Variants in RPS6KA5 observed in about 807,000 individuals in gnomAD.
RPS6KA5 encodes ribosomal protein S6 kinase alpha-5.
RPS6KA5 carries 27 observed loss-of-function variants against 85.5 expected under a neutral mutation model. The ratio of observed to expected loss-of-function variants is 0.32; its 90% CI spans 0.23 to 0.44. The LOEUF (loss-of-function observed/expected upper bound fraction) is 0.44. RPS6KA5 is among the 20% of genes least tolerant of loss of function. RPS6KA5 has a pLI of 1.00. For synonymous variants in RPS6KA5, 334 were observed against 348.2 expected, an observed-to-expected ratio of 0.96 and a Z score of 0.46; for missense variants, 811 against 980.9, an observed-to-expected ratio of 0.83 and a Z score of 2.31.
chr14:91,013,408 G>A (rs2041343126), intron 1 of RPS6KA5, among the ~76,000 whole-genome samples: 1 of 152,138 alleles, frequency 6.6e-6, no homozygotes, highest in Admixed American at 6.6e-5. Flanking sequence ...GCATAAGAGA[G>A]CATCTCAGCC....
chr14:90,986,003 T>C (rs2040039557), intron 2 of RPS6KA5, among the ~76,000 whole-genome samples: 2 of 152,114 alleles, frequency 1.3e-5, no homozygotes, highest in Non-Finnish European at 2.9e-5. Flanking sequence ...GAAACAACTA[T>C]AAAAGGCTAG....
intron 14 of RPS6KA5, among the ~76,000 whole-genome samples, chr14:90,881,715 G>A (rs2033853739): frequency 6.6e-6 from 1 of 152,012 alleles, no homozygotes; most frequent in Non-Finnish European, 1.5e-5. Context: ...TGGCCAGGCT[G>A]GTCTCGAACT....
intron 7 of RPS6KA5, among the ~76,000 whole-genome samples, chr14:90,916,720 T>C (rs74083898): frequency 0.074 from 11,314 of 152,088 alleles, 1,145 homozygotes; most frequent in African/African-American, 0.22. Flanking sequence ...AAATTACAGG[T>C]TGACACCATG....
At chr14:91,023,082 T>TAAAAAAA (rs368649949) in intron 1 of RPS6KA5, among the ~76,000 whole-genome samples, 1 of 96,452 alleles carries the variant, frequency 1.0e-5, no homozygotes, top group East Asian at 3.5e-4. Flanking sequence ...AAACTCTATC[T>TAAAAAAA]AAAAAAAAAA....
intron 1 of RPS6KA5, among the ~76,000 whole-genome samples, chr14:91,017,109 C>T (rs1015664893): frequency 1.3e-5 from 2 of 152,180 alleles, no homozygotes; most frequent in Non-Finnish European, 2.9e-5. Flanking sequence ...TGGACTTCTA[C>T]TCACCAAGGC....
intron 1 of RPS6KA5, among the ~76,000 whole-genome samples, chr14:91,056,191 T>C (rs1316832179): frequency 6.6e-6 from 1 of 152,226 alleles, no homozygotes; most frequent in African/African-American, 2.4e-5. Context: ...GACCTTCTCC[T>C]CAATGTTAGG....
At chr14:91,033,048 G>A (rs1031278113) in intron 1 of RPS6KA5, among the ~76,000 whole-genome samples, 14 of 151,902 alleles carry the variant, frequency 9.2e-5, no homozygotes, top group African/African-American at 7.3e-5. Context: ...TTAGCTGGAC[G>A]TGGTGGTGGG....
intron 1 of RPS6KA5, among the ~76,000 whole-genome samples, chr14:91,051,538 G>C (rs1317003786): frequency 6.6e-6 from 1 of 151,974 alleles, no homozygotes. Flanking sequence ...GCCCAGGCTG[G>C]AATGCAATGG....
intron 10 of RPS6KA5, 147 bp downstream of exon 10, chr14:90,900,464 T>C (rs2035102776): frequency 1.0e-5 from 8 of 787,116 alleles, no homozygotes; most frequent in Admixed American, 7.0e-5. Flanking sequence ...CAACTTGACG[T>C]TAATTCTCTA....
rs945974002 is a variant in RPS6KA5 at position 90,865,108 on chromosome 14, T to C, written c.*6966A>G. 1 of 152,222 alleles carries C rather than the reference T, an allele frequency of 6.6e-6. No individual in the cohort carries two copies. The highest frequency in any genetic ancestry group is 1.5e-5 in the Non-Finnish European group (1 of 68,040). 9.4% of individuals were successfully genotyped at this position (152,222 alleles called of 1,614,324 possible). On this transcript the variant is annotated 3_prime_UTR_variant, in exon 17 of 17. Transcript: ENST00000614987. Reference sequence around the variant, plus strand: ...TCTCACTCTATCGCCCAGGATGGAATGTAGTGGTGCGATCAAGGCTCACTG... The same window carrying C: ...TCTCACTCTATCGCCCAGGATGGAACGTAGTGGTGCGATCAAGGCTCACTG...
chr14:90,917,505 A>G (rs1423816810), intron 7 of RPS6KA5, among the ~76,000 whole-genome samples: 1 of 152,174 alleles, frequency 6.6e-6, no homozygotes, highest in Non-Finnish European at 1.5e-5. Flanking sequence ...CAATCAAGAA[A>G]CAAATATACT....
At chr14:90,923,799 A>G (rs1476822154) in intron 5 of RPS6KA5, among the ~76,000 whole-genome samples, 1 of 152,206 alleles carries the variant, frequency 6.6e-6, no homozygotes, top group Non-Finnish European at 1.5e-5. Context: ...CTTTAAAAAA[A>G]GATTATTTCT....
At chr14:91,006,301 T>C (rs536761654) in intron 1 of RPS6KA5, among the ~76,000 whole-genome samples, 3 of 152,264 alleles carry the variant, frequency 2.0e-5, no homozygotes, top group Non-Finnish European at 2.9e-5. Context: ...ACATACATAG[T>C]AGTTAGCTAA....
chr14:91,034,103 T>C (rs2042301308), intron 1 of RPS6KA5, among the ~76,000 whole-genome samples: 1 of 152,084 alleles, frequency 6.6e-6, no homozygotes, highest in African/African-American at 2.4e-5. Context: ...GCCACAGCAT[T>C]AGAGACCAGC....
At chr14:91,010,450 G>A (rs1030629308) in intron 1 of RPS6KA5, among the ~76,000 whole-genome samples, 2 of 152,066 alleles carry the variant, frequency 1.3e-5, no homozygotes, top group African/African-American at 2.4e-5. Flanking sequence ...ATAATATCCC[G>A]GATCATCAAA....
chr14:90,903,226 C>T (rs960146604), intron 8 of RPS6KA5, among the ~76,000 whole-genome samples: 3 of 152,020 alleles, frequency 2.0e-5, no homozygotes, highest in African/African-American at 4.8e-5. Flanking sequence ...CCAAGACACC[C>T]TAGTTTACCT....
At chr14:90,990,496 T>C (rs919567794) in intron 2 of RPS6KA5, among the ~76,000 whole-genome samples, 25 of 152,090 alleles carry the variant, frequency 1.6e-4, no homozygotes, top group Admixed American at 2.6e-4. Context: ...AAAACAGAAA[T>C]ACCACTCAAC....
At chr14:91,053,887 T>C (rs995128403) in intron 1 of RPS6KA5, among the ~76,000 whole-genome samples, 3 of 152,172 alleles carry the variant, frequency 2.0e-5, no homozygotes, top group African/African-American at 7.2e-5. Flanking sequence ...GAATCCAGAA[T>C]AACCAAAACA....
chr14:91,015,966 T>TGCCC (rs1195543990), intron 1 of RPS6KA5, among the ~76,000 whole-genome samples: 2 of 152,164 alleles, frequency 1.3e-5, no homozygotes, highest in African/African-American at 4.8e-5. Flanking sequence ...CAACCACAAC[T>TGCCC]GCCCTCCAAC....
Sources: gnomAD v4.1 joint callset for allele counts (sites outside exome capture counted in the v4.1 genomes callset) on GRCh38, gnomAD v4.1.1 for gene constraint, MANE v1.5 for transcripts, NCBI Gene and HGNC (gene_info 2026-07-23, HGNC 2026-07-21) for gene names.